Variants in DHCR24 observed in about 807,000 individuals in gnomAD.
The protein encoded by DHCR24 is delta(24)-sterol reductase.
In DHCR24, 28 loss-of-function variants were observed where a neutral mutation model predicts 61.2. The observed-to-expected ratio is 0.46, with a 90% CI of 0.34 to 0.63. DHCR24 has a LOEUF of 0.63. Among genes scored for constraint, DHCR24 ranks in the 20% least tolerant of loss-of-function variants. The pLI, the probability that DHCR24 is intolerant of heterozygous loss-of-function variation, is 0.01. For missense variants in DHCR24, 538 were observed against 679.1 expected (o/e 0.79, Z 2.31); for synonymous variants, 261 against 275.9 (o/e 0.95, Z 0.54).
At chr1:54,854,374 G>A (rs1377722672) in intron 6 of DHCR24, 140 bp from the exon 7 acceptor site, 5 of 702,162 alleles carry the variant, frequency 7.1e-6, no homozygotes, top group Non-Finnish European at 1.2e-5. Context: ...TGGAGGGGGT[G>A]TGATGGGACC....
intron 2 of DHCR24, among the ~76,000 whole-genome samples, chr1:54,877,883 C>T (rs766450527): frequency 2.6e-5 from 4 of 151,564 alleles, no homozygotes; most frequent in African/African-American, 4.9e-5. Context: ...TGGTGGCAAG[C>T]GCCTGTAATC....
At chr1:54,870,939 T>C (rs1280518999) in intron 5 of DHCR24, among the ~76,000 whole-genome samples, 2 of 152,250 alleles carry the variant, frequency 1.3e-5, no homozygotes, top group African/African-American at 4.8e-5. Context: ...GTGGAAGGAA[T>C]GTCAATCTAG....
In DHCR24 at chr1:54,859,615, C is replaced by T. The variant is rs193029287; in HGVS notation, c.1021-5381G>A. 1.1e-3 allele frequency among the ~76,000 whole-genome samples: 161 copies of T among 152,210 alleles called. 1 individual carries two copies. The highest frequency in any genetic ancestry group is 3.4e-3 in the African/African-American group (143 of 41,532). ...TTGTAGCTGGGATTACAGGCATGCC[C>T]CAACCCACCTGGTTCATTTTTGTAT... On this transcript the variant is annotated intron_variant, in intron 6 of 8. Transcript: ENST00000371269.
intron 4 of DHCR24, among the ~76,000 whole-genome samples, chr1:54,872,057 C>T (rs1472457140): frequency 6.6e-6 from 1 of 152,322 alleles, no homozygotes; most frequent in African/African-American, 2.4e-5. Flanking sequence ...CTAAAATTTA[C>T]AAGGCCTTTC....
intron 1 of DHCR24, among the ~76,000 whole-genome samples, chr1:54,884,667 T>A (rs759654257): frequency 5.3e-5 from 8 of 152,172 alleles, no homozygotes; most frequent in Admixed American, 3.3e-4. Context: ...CCATCTTCCT[T>A]TGGTCCAAGT....
chr1:54,869,085 CA>C (rs1330029154), intron 5 of DHCR24, among the ~76,000 whole-genome samples: 3 of 152,112 alleles, frequency 2.0e-5, no homozygotes, highest in Non-Finnish European at 4.4e-5. Context: ...AAACAATAAA[CA>C]AGAAAAGACA....
intron 2 of DHCR24, among the ~76,000 whole-genome samples, chr1:54,881,851 T>C (rs1344896777): frequency 1.3e-5 from 2 of 152,184 alleles, no homozygotes; most frequent in East Asian, 1.9e-4. Flanking sequence ...GAAGCCATTA[T>C]CCTTAGCAAA....
chr1:54,866,668 T>C (rs895277374), intron 5 of DHCR24, among the ~76,000 whole-genome samples: 10 of 114,314 alleles, frequency 8.7e-5, no homozygotes, highest in Non-Finnish European at 2.0e-4. Flanking sequence ...TGACCTGCTC[T>C]ACCCTACAGC....
At chr1:54,873,670 G>A (rs1647011535) in intron 4 of DHCR24, among the ~76,000 whole-genome samples, 1 of 152,136 alleles carries the variant, frequency 6.6e-6, no homozygotes, top group African/African-American at 2.4e-5. Context: ...TTTTCTTTGA[G>A]ACAGGGTCTT....
chr1:54,868,791 G>A (rs915543644), intron 5 of DHCR24, among the ~76,000 whole-genome samples: 3 of 152,134 alleles, frequency 2.0e-5, no homozygotes, highest in Non-Finnish European at 4.4e-5. Context: ...AAAAAGGCTG[G>A]GTGCAGTGGG....
Position 54,850,342 on chromosome 1 carries a change from G to A in DHCR24, c.*1891C>T, listed in dbSNP as rs909269595. The A allele has an allele frequency of 6.6e-6, 1 of 152,272 alleles. No homozygotes were observed. The highest frequency in any genetic ancestry group is 1.5e-5 in the Non-Finnish European group (1 of 68,062). The allele number at this position is 152,272 out of a possible 1,614,324, so 9.4% of individuals were successfully genotyped here. A position where few individuals can be genotyped will look rare whatever the true frequency, so the allele number is the denominator to read the frequency against. ...CATCAGTTTTGCACTGAGCAAGGAAGCACATGGGTCTCCTATGAGAGCTAA... is the reference window on the plus strand; with the variant it reads ...CATCAGTTTTGCACTGAGCAAGGAAACACATGGGTCTCCTATGAGAGCTAA... On this transcript the variant is annotated 3_prime_UTR_variant, in exon 9 of 9. Coordinates refer to ENST00000371269, the MANE Select transcript of DHCR24 (RefSeq NM_014762.4).
At chr1:54,867,029 T>G (rs1388919602) in intron 5 of DHCR24, among the ~76,000 whole-genome samples, 1 of 152,206 alleles carries the variant, frequency 6.6e-6, no homozygotes, top group Non-Finnish European at 1.5e-5. Flanking sequence ...CAGGCGCTCC[T>G]GGTGCTCACT....
rs1399700194 is a variant in DHCR24, at chr1:54,886,878, G to C, written c.231+11C>G. On this transcript the variant is annotated intron_variant, in intron 1 of 8. Transcript: ENST00000371269. ...CGGCCCTGAGTCCCGGCCGCACCCG[G>C]CGCCGCTCACCTGCTTCTGGATGTC... 1 of 1,611,262 alleles carries C rather than the reference G, an allele frequency of 6.2e-7. No individual in the cohort carries two copies. The highest frequency in any genetic ancestry group is 1.7e-5 in the Admixed American group (1 of 59,864).
chr1:54,869,627 T>G (rs1003067584), intron 5 of DHCR24, among the ~76,000 whole-genome samples: 13 of 151,770 alleles, frequency 8.6e-5, no homozygotes, highest in Non-Finnish European at 1.6e-4. Flanking sequence ...CTCGGCTGGG[T>G]GTGGTGGCTC....
At chr1:54,873,864 G>T (rs1647012700) in intron 4 of DHCR24, among the ~76,000 whole-genome samples, 1 of 152,158 alleles carries the variant, frequency 6.6e-6, no homozygotes, top group Admixed American at 6.5e-5. Flanking sequence ...TGCCCAGGCT[G>T]GTCTCAAACT....
chr1:54,883,770 G>C lies in DHCR24; in HGVS notation c.235C>G (p.Arg79Gly). 1 of 1,614,020 alleles carries C rather than the reference G, an allele frequency of 6.2e-7. No homozygotes were observed. The highest frequency in any genetic ancestry group is 8.5e-7 in the Non-Finnish European group (1 of 1,180,012). Residue 79 changes from arginine (R) to glycine (G), a missense_variant, in exon 2 of 9, where the codon CGG (arginine) becomes GGG (glycine). Arg to Gly is a moderately radical substitution (Grantham distance 125). Transcript: ENST00000371269. This position sits in a 1 kb window ranked among gnomAD's most constrained non-coding sequence, Gnocchi z 4.3. ...TTGCTACCCTGCTCCTTCCATTCCC[G>C]CACCTGCAACCACAGGACAGAGGGT... ...QRVRDIQKQVREWKEQGSKTF... is the reference protein window; with the variant it reads ...QRVRDIQKQVGEWKEQGSKTF...
At chr1:54,862,575 C>G (rs577654531) in intron 6 of DHCR24, among the ~76,000 whole-genome samples, 1 of 152,242 alleles carries the variant, frequency 6.6e-6, no homozygotes, top group Admixed American at 6.5e-5. Context: ...TGCAAGGTGT[C>G]CCAGGGTCTT....
At chr1:54,880,115 A>C (rs575696249) in intron 2 of DHCR24, among the ~76,000 whole-genome samples, 1 of 152,318 alleles carries the variant, frequency 6.6e-6, no homozygotes, top group Admixed American at 6.5e-5. Context: ...CAGACTGTTC[A>C]GGAAAAAAAG....
intron 2 of DHCR24, among the ~76,000 whole-genome samples, chr1:54,876,462 T>C (rs1288242672): frequency 6.6e-6 from 1 of 152,150 alleles, no homozygotes. Flanking sequence ...GAGACCAGCC[T>C]GGCCAACTTG....
Sources: gnomAD v4.1 joint callset for allele counts (sites outside exome capture counted in the v4.1 genomes callset) on GRCh38, gnomAD v4.1.1 for gene constraint, Gnocchi (gnomAD v3.1) non-coding constraint, MANE v1.5 for transcripts, NCBI Gene and HGNC (gene_info 2026-07-23, HGNC 2026-07-21) for gene names.